Variants in POC5 observed in about 807,000 individuals in gnomAD.
The protein encoded by POC5 is POC5 centriolar protein.
POC5 carries 48 observed loss-of-function variants against 62.9 expected under a neutral mutation model. The observed-to-expected ratio is 0.76, with a 90% CI of 0.61 to 0.97. The LOEUF (loss-of-function observed/expected upper bound fraction) is 0.97, where lower values mean the gene tolerates loss of function less well. Ranked by LOEUF, POC5 falls within the 50% of genes least tolerant of loss-of-function variation. POC5 has a pLI of 0.00. For missense variants in POC5, 696 were observed against 679.5 expected, an observed-to-expected ratio of 1.02 and a Z score of -0.27; for synonymous variants, 236 against 228.2, an observed-to-expected ratio of 1.03 and a Z score of -0.31.
chr5:75,700,329 C>G (rs1430015315), intron 5 of POC5, among the ~76,000 whole-genome samples: 64 of 151,264 alleles, frequency 4.2e-4, no homozygotes, highest in African/African-American at 1.5e-3. Flanking sequence ...TACTACAAGG[C>G]TACAGTAACC....
At chr5:75,683,120 G>A (rs1775933601) in intron 10 of POC5, among the ~76,000 whole-genome samples, 1 of 152,152 alleles carries the variant, frequency 6.6e-6, no homozygotes. Flanking sequence ...TTATGTAAGT[G>A]GTTAGGAGTT....
chr5:75,697,261 C>G (rs140621573), intron 5 of POC5, among the ~76,000 whole-genome samples: 196 of 152,132 alleles, frequency 1.3e-3, no homozygotes, highest in African/African-American at 4.5e-3. Context: ...TTGTCAGATT[C>G]GCCAAAGTTG....
intron 10 of POC5, among the ~76,000 whole-genome samples, chr5:75,682,703 G>A (rs1229437155): frequency 6.6e-6 from 1 of 151,884 alleles, no homozygotes; most frequent in Non-Finnish European, 1.5e-5. Context: ...TTTTTGTAGA[G>A]ACAGGGTTTC....
At chr5:75,681,866 C>T (rs1775879692) in intron 10 of POC5, among the ~76,000 whole-genome samples, 1 of 152,104 alleles carries the variant, frequency 6.6e-6, no homozygotes, top group Admixed American at 6.5e-5. Flanking sequence ...TTCCTATTCC[C>T]AACAATGATG....
chr5:75,690,532 A>G lies in POC5; in HGVS notation c.826T>C (p.Tyr276His). Reference protein sequence around the residue: ...VYEGKLADQYYQRTLLKKVWK... With the variant: ...VYEGKLADQYHQRTLLKKVWK... ...ACTTTCTTCAGTAAAGTTCTCTGGT[A>G]GTACTGGTCAGCTAGTTTACCTTCA... The change falls in exon 8 of 12, where the codon TAC becomes CAC. Residue 276 changes from tyrosine (Y) to histidine (H), a missense_variant. Coordinates refer to ENST00000428202, the MANE Select transcript of POC5 (RefSeq NM_001099271.2). The G allele has an allele frequency of 1.3e-6, 2 of 1,592,700 alleles. No individual in the cohort carries two copies. The highest frequency in any genetic ancestry group is 1.7e-6 in the Non-Finnish European group (2 of 1,168,494).
intron 4 of POC5, among the ~76,000 whole-genome samples, chr5:75,704,172 C>T (rs1237684297): frequency 1.4e-5 from 2 of 146,200 alleles, no homozygotes; most frequent in Non-Finnish European, 3.0e-5. Flanking sequence ...AAAAAAAAAG[C>T]ACTGAGAAAG....
intron 8 of POC5, chr5:75,689,732 G>T: frequency 1.1e-6 from 1 of 905,390 alleles, no homozygotes; most frequent in Non-Finnish European, 1.3e-6. Context: ...ACAATTTAAT[G>T]CTGTAATGAG....
chr5:75,687,276 C>CA (rs1450696585), intron 9 of POC5, among the ~76,000 whole-genome samples: 1 of 152,166 alleles, frequency 6.6e-6, no homozygotes, highest in Non-Finnish European at 1.5e-5. Flanking sequence ...GTGATCCACT[C>CA]ACCTCGGCCT....
intron 5 of POC5, among the ~76,000 whole-genome samples, chr5:75,697,408 T>G (rs1393341792): frequency 6.6e-6 from 1 of 152,084 alleles, no homozygotes; most frequent in Admixed American, 6.5e-5. Flanking sequence ...TATTCAACAT[T>G]CTTAAAGAAA....
intron 6 of POC5, 95 bp from the exon 7 acceptor site, chr5:75,692,595 G>A: frequency 1.3e-6 from 1 of 784,880 alleles, no homozygotes; most frequent in South Asian, 1.9e-5. Context: ...AGAGAGGATA[G>A]GTATGGATCA....
chr5:75,708,435 T>C (rs780720636), intron 2 of POC5, among the ~76,000 whole-genome samples: 26 of 152,194 alleles, frequency 1.7e-4, no homozygotes, highest in Admixed American at 6.5e-5. Flanking sequence ...CTTAATTTTA[T>C]ATGTCAGATT....
chr5:75,712,755 G>A, intron 2 of POC5, 99 bp downstream of exon 2: 1 of 960,164 alleles, frequency 1.0e-6, no homozygotes, highest in Non-Finnish European at 1.6e-6. Flanking sequence ...AAACTCCCTT[G>A]TAAATGGATG....
At chr5:75,707,922 T>C (rs1777192056) in intron 2 of POC5, 47 bp from the exon 3 acceptor site, 1 of 1,456,534 alleles carries the variant, frequency 6.9e-7, no homozygotes, top group Non-Finnish European at 9.3e-7. Context: ...GTTACAATGT[T>C]ATAATATATT....
At chr5:75,692,946 A>AT (rs2112127790) in intron 6 of POC5, among the ~76,000 whole-genome samples, 1 of 151,048 alleles carries the variant, frequency 6.6e-6, no homozygotes, top group East Asian at 1.9e-4. Flanking sequence ...CTGTCCAATG[A>AT]TTTTCTGGAT....
chr5:75,686,098 A>C (rs549997065), intron 9 of POC5, among the ~76,000 whole-genome samples: 127 of 152,328 alleles, frequency 8.3e-4, no homozygotes, highest in African/African-American at 3.0e-3. Flanking sequence ...TTGTGCACCT[A>C]ACTGATTTGT....
chr5:75,700,110 G>A (rs2112163882), intron 5 of POC5, among the ~76,000 whole-genome samples: 1 of 152,206 alleles, frequency 6.6e-6, no homozygotes, highest in Non-Finnish European at 1.5e-5. Flanking sequence ...TCATGGGTAG[G>A]AAGAGTCAGT....
At chr5:75,698,569 T>C (rs1223575745) in intron 5 of POC5, among the ~76,000 whole-genome samples, 1 of 149,736 alleles carries the variant, frequency 6.7e-6, no homozygotes, top group African/African-American at 2.5e-5. Flanking sequence ...TTCAATGCAG[T>C]GTGTAGAGGG....
intron 2 of POC5, among the ~76,000 whole-genome samples, chr5:75,708,078 G>C (rs1408363576): frequency 6.6e-6 from 1 of 152,154 alleles, no homozygotes; most frequent in East Asian, 1.9e-4. Context: ...GTTTGAAGAG[G>C]GCTGGGTGCA....
intron 5 of POC5, among the ~76,000 whole-genome samples, chr5:75,698,853 C>T (rs552113006): frequency 1.6e-4 from 24 of 152,140 alleles, no homozygotes; most frequent in African/African-American, 5.5e-4. Context: ...CGAGAAGAAT[C>T]AAATAGATGC....
Sources: allele counts gnomAD v4.1 joint callset (sites outside exome capture counted in the v4.1 genomes callset), GRCh38; gene constraint gnomAD v4.1.1; transcripts MANE v1.5; gene names NCBI Gene and HGNC (gene_info 2026-07-23, HGNC 2026-07-21).